Variants in NALF1 observed in about 807,000 individuals in gnomAD.
The protein encoded by NALF1 is family with sequence similarity 155 member A.
Under a neutral mutation model 48.4 loss-of-function variants are expected in NALF1, and 3 were observed. That is an observed-to-expected ratio of 0.06 (90% CI 0.03 to 0.16). The LOEUF (loss-of-function observed/expected upper bound fraction) is 0.16, where lower values mean the gene tolerates loss of function less well. Ranked by LOEUF, NALF1 falls within the 10% of genes least tolerant of loss-of-function variation. NALF1 has a pLI of 1.00. For missense variants in NALF1, 526 were observed against 571.5 expected, an observed-to-expected ratio of 0.92 and a Z score of 0.81; for synonymous variants, 262 against 245.7, an observed-to-expected ratio of 1.07 and a Z score of -0.62.
At chr13:107,801,900 T>C (rs1290283430) in intron 1 of NALF1, among the ~76,000 whole-genome samples, 2 of 152,154 alleles carry the variant, frequency 1.3e-5, no homozygotes, top group African/African-American at 2.4e-5. Flanking sequence ...CGAATTACCC[T>C]CTGCCTTTCA....
chr13:107,496,137 C>T (rs992507755), intron 1 of NALF1, among the ~76,000 whole-genome samples: 21 of 152,048 alleles, frequency 1.4e-4, no homozygotes, highest in African/African-American at 5.1e-4. Context: ...TTGTAAACTA[C>T]CTTGATTTAA....
At chr13:107,522,454 C>A (rs1566376027) in intron 1 of NALF1, among the ~76,000 whole-genome samples, 3 of 151,910 alleles carry the variant, frequency 2.0e-5, no homozygotes, top group South Asian at 4.1e-4. Context: ...AAATATTTGT[C>A]TTCTATCTTT....
intron 1 of NALF1, among the ~76,000 whole-genome samples, chr13:107,252,681 T>G (rs764454497): frequency 3.3e-5 from 5 of 152,140 alleles, no homozygotes; most frequent in Non-Finnish European, 7.4e-5. Flanking sequence ...GGAAAGAGAT[T>G]AGACAAGGGC....
chr13:107,452,921 C>T (rs1343219830), intron 1 of NALF1, among the ~76,000 whole-genome samples: 2 of 152,146 alleles, frequency 1.3e-5, no homozygotes, highest in Non-Finnish European at 2.9e-5. Flanking sequence ...GTCTGAAATC[C>T]AATAGGGCAG....
chr13:107,428,370 T>C (rs950726151), intron 1 of NALF1, among the ~76,000 whole-genome samples: 1 of 152,214 alleles, frequency 6.6e-6, no homozygotes, highest in African/African-American at 2.4e-5. Context: ...ACCCAGCATT[T>C]GGGAGCTTTG....
chr13:107,506,737 C>A (rs1033618524), intron 1 of NALF1, among the ~76,000 whole-genome samples: 5 of 152,040 alleles, frequency 3.3e-5, no homozygotes, highest in African/African-American at 9.7e-5. Flanking sequence ...GAATAATATT[C>A]ATATACATAT....
chr13:107,669,858 C>T (rs965609664), intron 1 of NALF1, among the ~76,000 whole-genome samples: 2 of 152,050 alleles, frequency 1.3e-5, no homozygotes, highest in Admixed American at 6.6e-5. Context: ...CACTTTCCAG[C>T]CCTGCACTGT....
intron 1 of NALF1, among the ~76,000 whole-genome samples, chr13:107,426,119 G>A (rs529599065): frequency 2.6e-5 from 4 of 152,220 alleles, no homozygotes; most frequent in East Asian, 1.9e-4. Flanking sequence ...CCACCAGGGC[G>A]AGGTGCTTTC....
At chr13:107,409,845 A>G (rs1186848242) in intron 1 of NALF1, among the ~76,000 whole-genome samples, 1 of 152,152 alleles carries the variant, frequency 6.6e-6, no homozygotes, top group Non-Finnish European at 1.5e-5. Context: ...TAGACTAGGG[A>G]ATTTCTACCC....
intron 1 of NALF1, among the ~76,000 whole-genome samples, chr13:107,726,499 G>A (rs1279198042): frequency 1.6e-4 from 24 of 151,914 alleles, no homozygotes; most frequent in Admixed American, 1.6e-3. Flanking sequence ...ATGAAGCTAT[G>A]TGATGTAAAG....
chr13:107,170,525 A>G lies in NALF1; in HGVS notation c.1349T>C (p.Leu450Pro), dbSNP rs773765733. 2.2e-5 allele frequency: 36 copies of G among 1,604,886 alleles called. No homozygotes were observed. The highest frequency in any genetic ancestry group is 3.0e-5 in the Non-Finnish European group (35 of 1,173,276). ...CTCCTCATTGGTTGAGTTTTCTTCC[A>G]GCGTGTTGATGCCTCCAAAGCTCAG... ...AGLSFGGINT[L>P]EENSTNEE Residue 450 changes from leucine to proline, a missense_variant, in exon 3 of 3, where the codon CTG becomes CCG. Leu to Pro is a moderately conservative substitution (Grantham distance 98). This residue lies in a region of NALF1 where 153 missense variants were observed against 215.9 expected (regional missense o/e 0.71). Transcript: ENST00000375915.
intron 1 of NALF1, among the ~76,000 whole-genome samples, chr13:107,836,522 C>T (rs1408707088): frequency 6.6e-6 from 1 of 151,706 alleles, no homozygotes; most frequent in Non-Finnish European, 1.5e-5. Context: ...ATGGATTAGC[C>T]CTTCTGCTCA....
intron 1 of NALF1, among the ~76,000 whole-genome samples, chr13:107,557,120 T>C (rs955631236): frequency 6.6e-6 from 1 of 152,174 alleles, no homozygotes; most frequent in Non-Finnish European, 1.5e-5. Context: ...TCTTTAGTCA[T>C]TTTTGATGGC....
At chr13:107,408,631 C>T (rs1215024765) in intron 1 of NALF1, among the ~76,000 whole-genome samples, 1 of 152,068 alleles carries the variant, frequency 6.6e-6, no homozygotes, top group Non-Finnish European at 1.5e-5. Context: ...TTCATGCCTC[C>T]TGGGTTCCAT....
chr13:107,782,572 G>A lies in NALF1; in HGVS notation c.915+83110C>T, dbSNP rs577247749. Among the ~76,000 whole-genome samples, 129 of 151,250 alleles carry A rather than the reference G, an allele frequency of 8.5e-4. 1 individual carries two copies. The South Asian group carries it at 0.018, about 21-fold the overall frequency. On this transcript the variant is annotated intron_variant, in intron 1 of 2. Transcript: ENST00000375915. ...CTGCCCAGTCTGGAAAGTGAGGAGC[G>A]TCTCTGCCCGGCTGCCATCCCATCT...
rs183956018 is a variant in NALF1, at chr13:107,359,974, A to C, written c.916-149219T>G. On this transcript the variant is annotated intron_variant, in intron 1 of 2. Transcript: ENST00000375915. ...ATCATTTTTACTATGGGCACAAGGG[A>C]GAAATTGATTTCTAAAGTTGATGAC... Among the ~76,000 whole-genome samples the C allele has an allele frequency of 2.1e-3, 316 of 152,288 alleles. 2 individuals carry two copies. Among genetic ancestry groups the C allele is most frequent in the South Asian group, 7.2e-3 (35 of 4,830 alleles).
intron 1 of NALF1, among the ~76,000 whole-genome samples, chr13:107,802,515 T>A: frequency 6.6e-6 from 1 of 152,312 alleles, no homozygotes; most frequent in East Asian, 1.9e-4. Context: ...AGAAAAATTA[T>A]TGTATGCTTA....
chr13:107,223,454 T>C (rs1880036155), intron 1 of NALF1, among the ~76,000 whole-genome samples: 1 of 152,234 alleles, frequency 6.6e-6, no homozygotes, highest in African/African-American at 2.4e-5. Flanking sequence ...ATACTGAGAT[T>C]CAGCAGAATG....
intron 1 of NALF1, among the ~76,000 whole-genome samples, chr13:107,642,768 T>G (rs1490986003): frequency 6.6e-6 from 1 of 152,310 alleles, no homozygotes; most frequent in East Asian, 1.9e-4. Flanking sequence ...ACACTTAACA[T>G]AGCTATAGCA....
Sources: gnomAD v4.1 joint callset for allele counts (sites outside exome capture counted in the v4.1 genomes callset) on GRCh38, gnomAD v4.1.1 for gene constraint, gnomAD v4.1.1 regional missense constraint, MANE v1.5 for transcripts, NCBI Gene and HGNC (gene_info 2026-07-23, HGNC 2026-07-21) for gene names.